Variants in UBR4 observed in about 807,000 individuals in gnomAD.
The protein encoded by UBR4 is E3 ubiquitin-protein ligase UBR4.
UBR4 carries 124 observed loss-of-function variants against 575.6 expected under a neutral mutation model. The observed-to-expected ratio is 0.22, with a 90% CI of 0.19 to 0.25. The LOEUF (loss-of-function observed/expected upper bound fraction) is 0.25, where lower values mean the gene tolerates loss of function less well. Among genes scored for constraint, UBR4 ranks in the 10% least tolerant of loss-of-function variants. The probability of loss-of-function intolerance (pLI) is 1.00; values close to 1 mark genes in which losing one functional copy is unlikely to be tolerated. For missense variants in UBR4, 4,818 were observed against 6,478.8 expected (o/e 0.74, Z 8.80); for synonymous variants, 2,455 against 2,473.7 (o/e 0.99, Z 0.22).
At chr1:19,159,975 T>C (rs1197176747) in intron 39 of UBR4, 136 bp downstream of exon 39, 7 of 1,114,284 alleles carry the variant, frequency 6.3e-6, no homozygotes, top group East Asian at 2.6e-5. Context: ...TGTCATGATG[T>C]CTTAGATTCT....
At chr1:19,104,051 T>C in intron 87 of UBR4, 33 bp downstream of exon 87, 4 of 1,609,080 alleles carry the variant, frequency 2.5e-6, no homozygotes, top group African/African-American at 1.3e-5. Flanking sequence ...GAAGGGACAG[T>C]GCCTTAGGCT....
At chr1:19,186,387 A>G (rs1034111972) in intron 14 of UBR4, among the ~76,000 whole-genome samples, 153 bp downstream of exon 14, 7 of 152,246 alleles carry the variant, frequency 4.6e-5, no homozygotes, top group Non-Finnish European at 7.3e-5. Context: ...ATAACATGTC[A>G]TCTTTGAATG....
At position 19,117,507 on chromosome 1, in the gene UBR4, G is replaced by C; in HGVS notation, c.10630-93C>G. 3 of 1,339,982 alleles carry C rather than the reference G, an allele frequency of 2.2e-6. No individual in the cohort carries two copies. Among genetic ancestry groups the C allele is most frequent in the Non-Finnish European group, 3.1e-6 (3 of 972,846 alleles). 83.0% of individuals were successfully genotyped at this position (1,339,982 alleles called of 1,614,324 possible). On this transcript the variant is annotated intron_variant, in intron 72 of 105. Transcript: ENST00000375254. The surrounding 1 kb of genome is among the most constrained non-coding windows in gnomAD (Gnocchi z 4.0). Reference sequence around the variant, plus strand: ...AGTGTAACCCACTCTTCATCCACAAGATGAAGTTTCTATTTAATTTTTTAA... The same window carrying C: ...AGTGTAACCCACTCTTCATCCACAACATGAAGTTTCTATTTAATTTTTTAA...
In UBR4 at chr1:19,187,253, T is replaced by C; in HGVS notation, c.1543A>G (p.Ser515Gly). ...PPAALSIMAQ[S>G]TSIQRIQRLI... ...CGTTGAATCCTCTGTATGGAGGTGC[T>C]CTGGGCCATAATGCTCAAGGCTGCA... The change falls in exon 13 of 106, where the codon AGC becomes GGC. Residue 515 changes from serine to glycine, a missense_variant. Physicochemically the swap from Ser to Gly is moderately conservative, Grantham distance 56. This residue lies in a region of UBR4 where 162 missense variants were observed against 216.4 expected (regional missense o/e 0.75). Transcript: ENST00000375254. 1 of 1,614,010 alleles carries C rather than the reference T, an allele frequency of 6.2e-7. No individual in the cohort carries two copies. Among genetic ancestry groups the C allele is most frequent in the Non-Finnish European group, 8.5e-7 (1 of 1,179,968 alleles).
intron 11 of UBR4, among the ~76,000 whole-genome samples, chr1:19,190,678 T>G (rs970113781): frequency 2.6e-5 from 4 of 152,180 alleles, no homozygotes; most frequent in African/African-American, 9.7e-5. Context: ...GTCATCTTTT[T>G]CACACCCAAC....
intron 33 of UBR4, among the ~76,000 whole-genome samples, chr1:19,164,043 T>C (rs1013729514): frequency 3.3e-5 from 5 of 152,172 alleles, no homozygotes; most frequent in Non-Finnish European, 1.5e-5. Context: ...CCAAGAATTA[T>C]CTTGGGAACA....
At chr1:19,178,464 C>T (rs1339394027) in intron 18 of UBR4, among the ~76,000 whole-genome samples, 4 of 152,238 alleles carry the variant, frequency 2.6e-5, no homozygotes, top group East Asian at 1.9e-4. Flanking sequence ...AAAAATATAG[C>T]GGGTCTTTGG....
Position 19,076,750 on chromosome 1 carries a change from G to A in UBR4, c.15477C>T (p.Leu5159=), listed in dbSNP as rs754277691. 12 of 1,614,012 alleles carry A rather than the reference G, an allele frequency of 7.4e-6. No homozygotes were observed. The highest frequency in any genetic ancestry group is 2.2e-5 in the East Asian group (1 of 44,888). Residue 5159 remains leucine, a synonymous_variant, in exon 105 of 106, where the codon CTC becomes CTT. Coordinates refer to ENST00000375254, the MANE Select transcript of UBR4 (RefSeq NM_020765.3). ...AACCTTGACACTAACCGGCCACATCGAGGAACTCTGAGAAGGTCTCCACTG... is the reference window on the plus strand; with the variant it reads ...AACCTTGACACTAACCGGCCACATCAAGGAACTCTGAGAAGGTCTCCACTG... ...FMPVETFSEF[L]DVAGLLSEIT... is the part of the protein sequence containing the mutation.
chr1:19,146,061 C>A, intron 52 of UBR4, 128 bp from the exon 53 acceptor site: 4 of 1,570,916 alleles, frequency 2.5e-6, no homozygotes, highest in Non-Finnish European at 3.5e-6. Context: ...AATCAATATG[C>A]CAACTATCCC....
chr1:19,146,267 C>A, intron 52 of UBR4: 1 of 465,496 alleles, frequency 2.1e-6, no homozygotes, highest in Non-Finnish European at 3.6e-6. Context: ...TAGAACAATT[C>A]TGGGATTGTA....
chr1:19,075,506 C>T (rs1406905790), intron 105 of UBR4: 1 of 158,710 alleles, frequency 6.3e-6, no homozygotes, highest in East Asian at 1.9e-4. Flanking sequence ...GCTGGTGAAA[C>T]ATCTAGGCTG....
chr1:19,084,386 A>T, intron 102 of UBR4, 118 bp downstream of exon 102: 1 of 1,100,738 alleles, frequency 9.1e-7, no homozygotes, highest in Non-Finnish European at 1.3e-6. Context: ...AGGCTGCCTT[A>T]GGCCAGACGC....
At chr1:19,082,904 T>C (rs1003734888) in intron 102 of UBR4, among the ~76,000 whole-genome samples, 15 of 152,152 alleles carry the variant, frequency 9.9e-5, no homozygotes, top group Admixed American at 5.9e-4. Context: ...CCAAAGGCAC[T>C]CAGCCCCACT....
chr1:19,198,045 T>C lies in UBR4; in HGVS notation c.653A>G (p.Glu218Gly). 1 of 1,613,640 alleles carries C rather than the reference T, an allele frequency of 6.2e-7. No individual in the cohort carries two copies. The highest frequency in any genetic ancestry group is 8.5e-7 in the Non-Finnish European group (1 of 1,179,976). ...AGATGACTGCTCATCATTTTCTCCTTCCACCTGAAAAGAAACATAAGGCCT... is the reference window on the plus strand; with the variant it reads ...AGATGACTGCTCATCATTTTCTCCTCCCACCTGAAAAGAAACATAAGGCCT... Reference protein sequence around the residue: ...SQPISTQTLVEGENDEQSSTD... With the variant: ...SQPISTQTLVGGENDEQSSTD... Residue 218 changes from glutamate to glycine, a missense_variant, in exon 6 of 106, where the codon GAA becomes GGA. Coordinates refer to ENST00000375254, the MANE Select transcript of UBR4 (RefSeq NM_020765.3).
Position 19,110,585 on chromosome 1 carries a change from C to G in UBR4, c.11893-121G>C. On this transcript the variant is annotated intron_variant, in intron 79 of 105. Transcript: ENST00000375254. This position sits in a 1 kb window ranked among gnomAD's most constrained non-coding sequence, Gnocchi z 4.5. ...ACAGAGACAAAGGACAGACGGAGAC[C>G]CTTGTGCTCCAGGCTCTTCCCTGGG... 2 of 1,339,054 alleles carry G rather than the reference C, an allele frequency of 1.5e-6. No homozygotes were observed. The highest frequency in any genetic ancestry group is 2.1e-6 in the Non-Finnish European group (2 of 943,242). 82.9% of individuals were successfully genotyped at this position (1,339,054 alleles called of 1,614,324 possible).
At chr1:19,130,524 G>A (rs1006138340) in intron 60 of UBR4, among the ~76,000 whole-genome samples, 1 of 152,168 alleles carries the variant, frequency 6.6e-6, no homozygotes, top group African/African-American at 2.4e-5. Context: ...TCTAAAAATA[G>A]AACGAATGAA....
At chr1:19,146,129 A>G in intron 52 of UBR4, 196 bp from the exon 53 acceptor site, 1 of 1,529,820 alleles carries the variant, frequency 6.5e-7, no homozygotes, top group South Asian at 1.2e-5. Context: ...TATCGCAGAA[A>G]ACATTGTATG....
chr1:19,147,428 G>A (rs546558637), intron 51 of UBR4, among the ~76,000 whole-genome samples: 1 of 152,258 alleles, frequency 6.6e-6, no homozygotes, highest in South Asian at 2.1e-4. Context: ...CCAAAGCTCT[G>A]GGTTGATGGC....
rs184748537 is a variant in UBR4 at position 19,076,906 on chromosome 1, C to A, written c.15325-4G>T. The A allele has an allele frequency of 2.2e-4, 342 of 1,545,524 alleles. 3 individuals carry two copies. The African/African-American group carries it at 4.5e-3, about 20-fold the overall frequency. ...CTGTGTTACTGGTAGGCACCTTCTA[C>A]GAGAATCAACAGGAGACAAGAGAGG... is the stretch of plus-strand genomic sequence containing the variant. On this transcript the variant is annotated splice_polypyrimidine_tract_variant and splice_region_variant and intron_variant, in intron 104 of 105. Coordinates refer to ENST00000375254, the MANE Select transcript of UBR4 (RefSeq NM_020765.3).
Sources: allele counts gnomAD v4.1 joint callset (sites outside exome capture counted in the v4.1 genomes callset), GRCh38; gene constraint gnomAD v4.1.1; regional missense constraint gnomAD v4.1.1; non-coding constraint Gnocchi (gnomAD v3.1); transcripts MANE v1.5; gene names NCBI Gene and HGNC (gene_info 2026-07-23, HGNC 2026-07-21).